Variants in ACIN1 observed in about 807,000 individuals in gnomAD.
ACIN1 encodes apoptotic chromatin condensation inducer 1.
ACIN1 carries 16 observed loss-of-function variants against 146.6 expected under a neutral mutation model. The ratio of observed to expected loss-of-function variants is 0.11; its 90% CI spans 0.07 to 0.17. The LOEUF is 0.17. Ranked by LOEUF, ACIN1 falls within the 10% of genes least tolerant of loss-of-function variation. The pLI, the probability that ACIN1 is intolerant of heterozygous loss-of-function variation, is 1.00. For missense variants in ACIN1, 1,357 were observed against 1,609.3 expected, an observed-to-expected ratio of 0.84 and a Z score of 2.68; for synonymous variants, 569 against 582.7, an observed-to-expected ratio of 0.98 and a Z score of 0.34.
At chr14:23,094,157 T>A (rs1172982264) in intron 1 of ACIN1, among the ~76,000 whole-genome samples, 1 of 152,130 alleles carries the variant, frequency 6.6e-6, no homozygotes, top group African/African-American at 2.4e-5. Flanking sequence ...AGCTTCTGTA[T>A]AAGCAACGGT....
intron 4 of ACIN1, among the ~76,000 whole-genome samples, chr14:23,084,737 G>A (rs1008707997): frequency 6.6e-6 from 1 of 151,716 alleles, no homozygotes; most frequent in Non-Finnish European, 1.5e-5. Context: ...ATACCATTTC[G>A]TATCTGGGTA....
chr14:23,067,511 G>GGGGGGGGGGGA lies in ACIN1; in HGVS notation c.2266-1504_2266-1503insTCCCCCCCCCC. The GGGGGGGGGGGA allele has an allele frequency of 2.3e-5, 5 of 221,504 alleles. No homozygotes were observed. Among genetic ancestry groups the GGGGGGGGGGGA allele is most frequent in the Non-Finnish European group, 2.9e-5 (4 of 137,052 alleles). 13.7% of individuals were successfully genotyped at this position (221,504 alleles called of 1,614,324 possible). ...CCAGGGGCGCAGGGGGGGCGGGAGG[G>GGGGGGGGGGGA]AAACGTGTGGGGGGACGCTGCCCAG... On this transcript the variant is annotated intron_variant, in intron 9 of 18. Transcript: ENST00000605057. The surrounding 1 kb of genome is among the most constrained non-coding windows in gnomAD (Gnocchi z 4.6).
chr14:23,059,710 G>A (rs1291614191), intron 18 of ACIN1, among the ~76,000 whole-genome samples: 2 of 150,026 alleles, frequency 1.3e-5, no homozygotes, highest in East Asian at 3.9e-4. Flanking sequence ...TGGGAGTGCA[G>A]TGGCACGATC....
At chr14:23,069,295 G>A (rs1225945457) in intron 9 of ACIN1, 181 bp downstream of exon 9, 6 of 1,301,408 alleles carry the variant, frequency 4.6e-6, no homozygotes, top group African/African-American at 1.5e-5. Flanking sequence ...CCCTGTCCCC[G>A]TCACAAGGGG....
intron 4 of ACIN1, among the ~76,000 whole-genome samples, chr14:23,085,956 C>T (rs2048080754): frequency 6.6e-6 from 1 of 152,190 alleles, no homozygotes; most frequent in Admixed American, 6.5e-5. Context: ...AGTTGCTAGA[C>T]AATGCAGGAT....
chr14:23,060,063 T>G (rs1349274112), intron 18 of ACIN1, among the ~76,000 whole-genome samples: 1 of 151,012 alleles, frequency 6.6e-6, no homozygotes, highest in Non-Finnish European at 1.5e-5. Context: ...GTTCAAGTGA[T>G]TCTCCTGCCT....
chr14:23,068,369 T>A lies in ACIN1; in HGVS notation c.2265+1107A>T. The A allele has an allele frequency of 1.0e-6, 1 of 985,914 alleles. No homozygotes were observed. The highest frequency in any genetic ancestry group is 1.2e-6 in the Non-Finnish European group (1 of 829,974). 61.1% of individuals were successfully genotyped at this position (985,914 alleles called of 1,614,324 possible). ...GCACTGGCACAAGCTCTTCTTGGGG[T>A]GTCCCAAGTAGGGAGATGATGCAAG... is the stretch of plus-strand genomic sequence containing the variant. On this transcript the variant is annotated intron_variant, in intron 9 of 18. Coordinates refer to ENST00000605057, the MANE Select transcript of ACIN1 (RefSeq NM_001386863.1). This position sits in a 1 kb window ranked among gnomAD's most constrained non-coding sequence, Gnocchi z 4.3.
At position 23,094,925 on chromosome 14, in the gene ACIN1, C is replaced by T. The variant is rs549051101; in HGVS notation, c.138+50G>A. The T allele has an allele frequency of 1.7e-4, 267 of 1,530,132 alleles. 1 individual carries two copies. In the South Asian group the frequency reaches 3.2e-3, roughly 18 times the overall value. The allele number at this position is 1,530,132 out of a possible 1,614,324, so 94.8% of individuals were successfully genotyped here. A position where few individuals can be genotyped will look rare whatever the true frequency, so the allele number is the denominator to read the frequency against. On this transcript the variant is annotated intron_variant, in intron 1 of 18. Transcript: ENST00000605057. ...CGCCTGCGCCGCGGCAGAGGCTCGT[C>T]TCTACCGGGTCCGCTCTCCTCCGAC... is the stretch of plus-strand genomic sequence containing the variant.
chr14:23,090,222 C>T lies in ACIN1; in HGVS notation c.317-121G>A. ...ATACAGAGATACATACCAAAAAGAG[C>T]ACCGTATAAAAAGAAAAAACTCCCT... On this transcript the variant is annotated intron_variant, in intron 3 of 18. Coordinates refer to ENST00000605057, the MANE Select transcript of ACIN1 (RefSeq NM_001386863.1). The T allele has an allele frequency of 2.9e-6, 4 of 1,366,774 alleles. No individual in the cohort carries two copies. In the South Asian group the frequency reaches 6.1e-5, roughly 21 times the overall value. 84.7% of individuals were successfully genotyped at this position (1,366,774 alleles called of 1,614,324 possible). A position where few individuals can be genotyped will look rare whatever the true frequency, so the allele number is the denominator to read the frequency against.
In ACIN1 at chr14:23,078,820, C is replaced by A; in HGVS notation, c.2007G>T (p.Arg669=). 1 of 1,611,970 alleles carries A rather than the reference C, an allele frequency of 6.2e-7. No individual in the cohort carries two copies. The highest frequency in any genetic ancestry group is 8.5e-7 in the Non-Finnish European group (1 of 1,179,694). ...KHVTQRLQPE[R]GSPKKCEAEE... ...GTAGGGAGGGGTCACAATAGCCTAC[C>A]CGCTCAGGCTGTAACCTCTGGGTCA... The change falls in exon 7 of 19, where the codon CGG becomes CGT. Residue 669 remains arginine (R), a splice_region_variant and synonymous_variant. Coordinates refer to ENST00000605057, the MANE Select transcript of ACIN1 (RefSeq NM_001386863.1).
chr14:23,066,145 C>A (rs966583034), intron 9 of ACIN1, 137 bp from the exon 10 acceptor site: 2 of 666,898 alleles, frequency 3.0e-6, no homozygotes, highest in Non-Finnish European at 5.1e-6. Flanking sequence ...CAGAGAGAGA[C>A]ACAGAGACAG....
rs1414664030 is a variant in ACIN1, at chr14:23,080,525, G to A, written c.810C>T (p.Ser270=). ...CTCTCTCTAACACCTCCTGTTCCTG[G>A]GATCTTGTTTTGGGTCTCTCATCCA... ...EMMDERPKTR[S]QEQEVLERGG... The change falls in exon 6 of 19, where the codon TCC becomes TCT. Residue 270 remains serine, a synonymous_variant. Transcript: ENST00000605057. 2 of 1,613,868 alleles carry A rather than the reference G, an allele frequency of 1.2e-6. No individual in the cohort carries two copies. Among genetic ancestry groups the A allele is most frequent in the Admixed American group, 1.7e-5 (1 of 59,992 alleles).
At position 23,094,760 on chromosome 14, in the gene ACIN1, C is replaced by T. The variant is rs1050826356; in HGVS notation, c.138+215G>A. Reference sequence around the variant, plus strand: ...TCCTGGAGAGTAGTGCACACCCTCCCATTTGGGCTCGCGCTGCTGCCGTTA... The same window carrying T: ...TCCTGGAGAGTAGTGCACACCCTCCTATTTGGGCTCGCGCTGCTGCCGTTA... On this transcript the variant is annotated intron_variant, in intron 1 of 18. Coordinates refer to ENST00000605057, the MANE Select transcript of ACIN1 (RefSeq NM_001386863.1). 16 of 756,746 alleles carry T rather than the reference C, an allele frequency of 2.1e-5. No individual in the cohort carries two copies. The African/African-American group carries it at 2.5e-4, about 12-fold the overall frequency. The allele number at this position is 756,746 out of a possible 1,614,324, so 46.9% of individuals were successfully genotyped here.
Position 23,063,025 on chromosome 14 carries a change from G to C in ACIN1, c.2787C>G (p.Ser929=), listed in dbSNP as rs147241213. 2.8e-5 allele frequency: 45 copies of C among 1,613,670 alleles called. No homozygotes were observed. Among genetic ancestry groups the C allele is most frequent in the Non-Finnish European group, 3.6e-5 (43 of 1,179,952 alleles). ...GGTCATCAATGGTAATGGAAACTCCGGACTTCTGCTGGCTAATGGAACGTC... is the reference window on the plus strand; with the variant it reads ...GGTCATCAATGGTAATGGAAACTCCCGACTTCTGCTGGCTAATGGAACGTC... ...LTRRSISQQK[S]GVSITIDDPV... The change falls in exon 14 of 19, where the codon TCC becomes TCG. Residue 929 remains serine (S), a synonymous_variant. Transcript: ENST00000605057.
At position 23,089,204 on chromosome 14, in the gene ACIN1, C is replaced by A. The variant is rs991345364; in HGVS notation, c.436+778G>T. Among the ~76,000 whole-genome samples, 7 of 152,200 alleles carry A rather than the reference C, an allele frequency of 4.6e-5. No homozygotes were observed. In the East Asian group the frequency reaches 1.2e-3, roughly 25 times the overall value. ...TACAGGTGCCTGCCACCATACCCAG[C>A]TAATTTTTATATTTTTAGTAGAGAC... On this transcript the variant is annotated intron_variant, in intron 4 of 18. Transcript: ENST00000605057.
Position 23,078,908 on chromosome 14 carries a change from G to C in ACIN1, c.1919C>G (p.Ser640Cys). The change falls in exon 7 of 19, where the codon TCC (serine) becomes TGC (cysteine). Residue 640 changes from serine (S) to cysteine (C), a missense_variant. Physicochemically the swap from Ser to Cys is moderately radical, Grantham distance 112. Around this residue, in one of 4 missense-constraint regions of ACIN1, gnomAD observed 771 missense variants for 746.6 expected, o/e 1.03. Transcript: ENST00000605057. ...TGCTTGGACAGAGGATGAGGAGGTG[G>C]AAGTCCTCTCCTTTGGCTCACAGAC... ...LQVCEPKERTSTSSSSVQARR... is the reference protein window; with the variant it reads ...LQVCEPKERTCTSSSSVQARR... 6.2e-7 allele frequency: 1 copy of C among 1,614,128 alleles called. No individual in the cohort carries two copies. The highest frequency in any genetic ancestry group is 2.2e-5 in the East Asian group (1 of 44,892).
chr14:23,075,230 G>C (rs895807434), intron 8 of ACIN1, among the ~76,000 whole-genome samples: 1 of 151,998 alleles, frequency 6.6e-6, no homozygotes, highest in Admixed American at 6.6e-5. Context: ...GTGCATACAG[G>C]AAGGTTGTAT....
Position 23,067,543 on chromosome 14 carries a change from T to C in ACIN1, c.2266-1535A>G. On this transcript the variant is annotated intron_variant, in intron 9 of 18. Transcript: ENST00000605057. This position sits in a 1 kb window ranked among gnomAD's most constrained non-coding sequence, Gnocchi z 4.6. Reference sequence around the variant, plus strand: ...GTGGGGGGACGCTGCCCAGTTTCCATGATGTCAAGACAGTTCACTGGCGGT... The same window carrying C: ...GTGGGGGGACGCTGCCCAGTTTCCACGATGTCAAGACAGTTCACTGGCGGT... 1 of 985,602 alleles carries C rather than the reference T, an allele frequency of 1.0e-6. No individual in the cohort carries two copies. Among genetic ancestry groups the C allele is most frequent in the Non-Finnish European group, 1.2e-6 (1 of 830,148 alleles). The allele number at this position is 985,602 out of a possible 1,614,324, so 61.1% of individuals were successfully genotyped here.
At chr14:23,094,767 G>T in intron 1 of ACIN1, 1 of 798,016 alleles carries the variant, frequency 1.3e-6, no homozygotes, top group Non-Finnish European at 1.9e-6. Flanking sequence ...TCCCATTTGG[G>T]CTCGCGCTGC....
Sources: gnomAD v4.1 joint callset for allele counts (sites outside exome capture counted in the v4.1 genomes callset) on GRCh38, gnomAD v4.1.1 for gene constraint, gnomAD v4.1.1 regional missense constraint, Gnocchi (gnomAD v3.1) non-coding constraint, MANE v1.5 for transcripts, NCBI Gene and HGNC (gene_info 2026-07-23, HGNC 2026-07-21) for gene names.